The following CDH18 variants were observed in gnomAD, a reference collection of about 807,000 sequenced individuals.
The protein encoded by CDH18 is cadherin 18, also known as cadherin-18.
CDH18 carries 31 observed loss-of-function variants against 67.9 expected under a neutral mutation model. That is an observed-to-expected ratio of 0.46 (90% CI 0.34 to 0.62). The LOEUF (loss-of-function observed/expected upper bound fraction) is 0.62. CDH18 is among the 20% of genes least tolerant of loss of function. The probability of loss-of-function intolerance (pLI) is 0.01; values close to 1 mark genes in which losing one functional copy is unlikely to be tolerated. For missense variants in CDH18, 890 were observed against 975.5 expected (o/e 0.91, Z 1.17); for synonymous variants, 362 against 347.2 (o/e 1.04, Z -0.48).
intron 1 of CDH18, among the ~76,000 whole-genome samples, chr5:20,332,461 C>G (rs1268740588): frequency 6.6e-6 from 1 of 152,170 alleles, no homozygotes; most frequent in African/African-American, 2.4e-5. Context: ...TAAGTCTGGG[C>G]TTCTCTGTGA....
At chr5:19,863,189 G>T (rs1017364420) in intron 2 of CDH18, among the ~76,000 whole-genome samples, 2 of 152,032 alleles carry the variant, frequency 1.3e-5, no homozygotes, top group African/African-American at 4.8e-5. Flanking sequence ...GTGTGAGAGC[G>T]GGATAAACTA....
intron 6 of CDH18, among the ~76,000 whole-genome samples, chr5:19,603,277 CA>C (rs1747457432): frequency 6.6e-6 from 1 of 152,220 alleles, no homozygotes; most frequent in South Asian, 2.1e-4. Context: ...ACAAATATTG[CA>C]TGATTCCACT....
intron 1 of CDH18, among the ~76,000 whole-genome samples, chr5:20,502,826 T>A (rs1227791907): frequency 6.6e-6 from 1 of 152,100 alleles, no homozygotes. Context: ...TAAAGGAGAA[T>A]TGGCCACTTT....
chr5:20,130,598 C>T lies in CDH18; in HGVS notation c.-518+124846G>A, dbSNP rs374586526. Among the ~76,000 whole-genome samples the T allele has an allele frequency of 6.5e-4, 99 of 151,956 alleles. No individual in the cohort carries two copies. The South Asian group carries it at 0.017, about 26-fold the overall frequency. ...ACCCATAAAATTAGCCATCACAAGACGACTGTAGGAGGGACTTCTACTTAT... is the reference window on the plus strand; with the variant it reads ...ACCCATAAAATTAGCCATCACAAGATGACTGTAGGAGGGACTTCTACTTAT... On this transcript the variant is annotated intron_variant, in intron 2 of 14. Coordinates refer to the CDH18 transcript ENST00000507958.
intron 1 of CDH18, among the ~76,000 whole-genome samples, chr5:20,464,204 A>C (rs1751474695): frequency 6.6e-6 from 1 of 152,228 alleles, no homozygotes; most frequent in Admixed American, 6.5e-5. Flanking sequence ...AATCAAAAAA[A>C]GAAACAGAGA....
upstream of CDH18, among the ~76,000 whole-genome samples, chr5:19,990,765 TAAAG>T (rs1194524040): frequency 6.6e-6 from 1 of 151,110 alleles, no homozygotes; most frequent in African/African-American, 2.4e-5. Context: ...TCAAAACAAA[TAAAG>T]AAACACAAAA....
intron 1 of CDH18, among the ~76,000 whole-genome samples, chr5:20,563,439 T>G (rs2126652261): frequency 6.6e-6 from 1 of 152,302 alleles, no homozygotes; most frequent in East Asian, 1.9e-4. Context: ...GAATGGCTTC[T>G]TAATCTTCCC....
chr5:19,884,793 T>C (rs925791486), intron 2 of CDH18, among the ~76,000 whole-genome samples: 3 of 152,172 alleles, frequency 2.0e-5, no homozygotes, highest in African/African-American at 7.2e-5. Flanking sequence ...AGTAAGAAAT[T>C]TAAATCTTTA....
rs1491245939 is a variant in CDH18, at chr5:19,705,615, G to GTGTTAT, written c.643+15726_643+15731dup. Among the ~76,000 whole-genome samples the GTGTTAT allele has an allele frequency of 4.6e-5, 7 of 152,234 alleles. No individual in the cohort carries two copies. The East Asian group carries it at 1.4e-3, about 30-fold the overall frequency. On this transcript the variant is annotated intron_variant, in intron 5 of 12. Transcript: ENST00000382275. ...TTTTCAACTCAGCATTCACCTACTG[G>GTGTTAT]TGTTATTGTTCAAGAGCAGGATCTT...
intron 2 of CDH18, among the ~76,000 whole-genome samples, chr5:20,037,361 T>C (rs778380314): frequency 1.4e-4 from 21 of 152,160 alleles, no homozygotes; most frequent in African/African-American, 2.9e-4. Context: ...GTGGACCTAA[T>C]AGACATCTAC....
intron 5 of CDH18, among the ~76,000 whole-genome samples, chr5:19,644,893 G>A (rs768614659): frequency 3.9e-5 from 6 of 152,258 alleles, no homozygotes; most frequent in Non-Finnish European, 8.8e-5. Flanking sequence ...GCTCAGGCTC[G>A]CCAACCATAC....
At chr5:20,323,689 A>T (rs1181389627) in intron 1 of CDH18, among the ~76,000 whole-genome samples, 1 of 152,220 alleles carries the variant, frequency 6.6e-6, no homozygotes, top group Admixed American at 6.5e-5. Context: ...GTGGCACTAA[A>T]CTATCTTAGT....
intron 2 of CDH18, among the ~76,000 whole-genome samples, chr5:20,105,530 AG>A (rs771406584): frequency 4.6e-5 from 7 of 152,194 alleles, no homozygotes; most frequent in Non-Finnish European, 8.8e-5. Context: ...CCATCTATCT[AG>A]AACTTCTTCA....
intron 1 of CDH18, among the ~76,000 whole-genome samples, chr5:20,499,904 C>A (rs564379670): frequency 2.6e-5 from 4 of 152,200 alleles, no homozygotes; most frequent in Non-Finnish European, 5.9e-5. Context: ...CTGTGCTTAT[C>A]CCAGTAATAC....
intron 2 of CDH18, among the ~76,000 whole-genome samples, chr5:19,877,434 G>A (rs368675095): frequency 3.9e-5 from 6 of 152,016 alleles, no homozygotes; most frequent in Non-Finnish European, 5.9e-5. Flanking sequence ...ATGTAAATAC[G>A]AGGATAGTCA....
chr5:19,755,510 CAT>C (rs201023882), intron 3 of CDH18, among the ~76,000 whole-genome samples: 19 of 111,352 alleles, frequency 1.7e-4, no homozygotes, highest in South Asian at 6.5e-4. Context: ...TACACACACA[CAT>C]ATATATATAT....
intron 2 of CDH18, among the ~76,000 whole-genome samples, chr5:19,943,943 A>T (rs2150240476): frequency 6.6e-6 from 1 of 152,254 alleles, no homozygotes; most frequent in Non-Finnish European, 1.5e-5. Context: ...CAGTAGTTAC[A>T]TGTATTCATT....
chr5:19,762,646 G>C (rs182750088), intron 3 of CDH18, among the ~76,000 whole-genome samples: 1 of 152,088 alleles, frequency 6.6e-6, no homozygotes, highest in African/African-American at 2.4e-5. Context: ...TTACACTGTC[G>C]GTGGGAGTGT....
chr5:19,491,377 T>C (rs1741441966), intron 11 of CDH18, among the ~76,000 whole-genome samples: 1 of 152,290 alleles, frequency 6.6e-6, no homozygotes, highest in East Asian at 1.9e-4. Flanking sequence ...TTTTAAATGG[T>C]TATACTCTGT....
Sources: allele counts gnomAD v4.1 joint callset (sites outside exome capture counted in the v4.1 genomes callset), GRCh38; gene constraint gnomAD v4.1.1; transcripts MANE v1.5; gene names NCBI Gene and HGNC (gene_info 2026-07-23, HGNC 2026-07-21).